The following SERINC5 variants were observed in gnomAD, a reference collection of about 807,000 sequenced individuals.
SERINC5 encodes chromosome 5 open reading frame 12.
In SERINC5, 41 loss-of-function variants were observed where a neutral mutation model predicts 63.1. That is an observed-to-expected ratio of 0.65 (90% confidence interval 0.51 to 0.84). The LOEUF is 0.84. SERINC5 is among the 40% of genes least tolerant of loss of function. SERINC5 has a pLI of 0.00. For missense variants in SERINC5, 523 were observed against 573.0 expected (o/e 0.91, Z 0.89); for synonymous variants, 222 against 215.2 (o/e 1.03, Z -0.28).
chr5:80,131,485 C>T (rs138094016), intron 11 of SERINC5, among the ~76,000 whole-genome samples: 1 of 152,112 alleles, frequency 6.6e-6, no homozygotes, highest in Non-Finnish European at 1.5e-5. Flanking sequence ...AAGGGAGAAG[C>T]ATTCCAGTAT....
At chr5:80,231,430 C>A (rs920416090) in intron 1 of SERINC5, among the ~76,000 whole-genome samples, 2 of 152,112 alleles carry the variant, frequency 1.3e-5, no homozygotes, top group African/African-American at 4.8e-5. Flanking sequence ...CCTGTAACAG[C>A]ATCTACTGCA....
Position 80,202,948 on chromosome 5 carries a change from G to C in SERINC5, c.133C>G (p.Leu45Val). The C allele has an allele frequency of 6.2e-7, 1 of 1,613,710 alleles. No homozygotes were observed. Among genetic ancestry groups the C allele is most frequent in the Non-Finnish European group, 8.5e-7 (1 of 1,179,706 alleles). Residue 45 changes from leucine to valine, a missense_variant, in exon 2 of 12, where the codon CTG becomes GTG. Transcript: ENST00000507668. ...ATGATGCAGCAGAGGACGACGACCA[G>C]AATGAAGTAGAGGGCGTACATGAAG... ...TRFMYALYFI[L>V]VVVLCCIMMS...
chr5:80,140,218 T>C lies in SERINC5; in HGVS notation c.*3445A>G. 1.3e-6 allele frequency: 1 copy of C among 778,380 alleles called. No individual in the cohort carries two copies. The highest frequency in any genetic ancestry group is 1.5e-6 in the Non-Finnish European group (1 of 653,146). The allele number at this position is 778,380 out of a possible 1,614,324, so 48.2% of individuals were successfully genotyped here. On this transcript the variant is annotated 3_prime_UTR_variant, in exon 12 of 12. Coordinates refer to ENST00000507668, the MANE Select transcript of SERINC5 (RefSeq NM_001174072.3). ...CCTGTGGTCTCAGCTACTTGGGAGG[T>C]GGTCCTTGAGCCCAGGAGGTCAAGC... is the stretch of plus-strand genomic sequence containing the variant.
At chr5:80,238,788 C>CAAAA (rs34850558) in intron 1 of SERINC5, among the ~76,000 whole-genome samples, 3 of 99,030 alleles carry the variant, frequency 3.0e-5, no homozygotes, top group Admixed American at 1.1e-4. Flanking sequence ...GACTTCATCT[C>CAAAA]AAAAAAAAAA....
chr5:80,184,132 G>C (rs1378577664), intron 2 of SERINC5, among the ~76,000 whole-genome samples: 1 of 151,818 alleles, frequency 6.6e-6, no homozygotes. Flanking sequence ...ATATTGCTTT[G>C]AATCTCTAAA....
intron 1 of SERINC5, among the ~76,000 whole-genome samples, chr5:80,229,130 T>A (rs1489389896): frequency 1.4e-5 from 2 of 145,566 alleles, no homozygotes; most frequent in East Asian, 4.2e-4. Context: ...TTCAAGCGAT[T>A]CTTGTGCCTC....
chr5:80,161,004 G>A lies in SERINC5; in HGVS notation c.860-2042C>T, dbSNP rs140354768. Among the ~76,000 whole-genome samples the A allele has an allele frequency of 2.4e-3, 355 of 147,670 alleles. 3 individuals carry two copies. The highest frequency in any genetic ancestry group is 7.4e-3 in the African/African-American group (293 of 39,754). The stretch of plus-strand genomic sequence containing the variant: ...TATGTGTGTATATGTATATATATAC[G>A]TGTATATATACGTGTATATATATAC... On this transcript the variant is annotated intron_variant, in intron 7 of 11. Coordinates refer to ENST00000507668, the MANE Select transcript of SERINC5 (RefSeq NM_001174072.3).
Position 80,168,769 on chromosome 5 carries a change from G to A in SERINC5, c.763+566C>T, listed in dbSNP as rs530187041. The stretch of plus-strand genomic sequence containing the variant: ...TCAGATCCCACTGTCTCTTCCTTCC[G>A]GCTTTGAAACAACAATGAGCAAGGT... On this transcript the variant is annotated intron_variant, in intron 6 of 11. Transcript: ENST00000507668. 4.6e-5 allele frequency among the ~76,000 whole-genome samples: 7 copies of A among 152,148 alleles called. No individual in the cohort carries two copies. In the South Asian group the frequency reaches 6.2e-4, roughly 14 times the overall value.
At chr5:80,164,745 G>A (rs1041732301) in intron 7 of SERINC5, among the ~76,000 whole-genome samples, 1 of 151,868 alleles carries the variant, frequency 6.6e-6, no homozygotes, top group African/African-American at 2.4e-5. Flanking sequence ...TGATTTTCTA[G>A]TTCCAGGTGC....
At chr5:80,205,479 A>G (rs1184270628) in intron 1 of SERINC5, among the ~76,000 whole-genome samples, 1 of 152,216 alleles carries the variant, frequency 6.6e-6, no homozygotes, top group Non-Finnish European at 1.5e-5. Context: ...AAATAATGAG[A>G]GTATGTAACT....
At chr5:80,193,262 C>T (rs1213670274) in intron 2 of SERINC5, among the ~76,000 whole-genome samples, 1 of 152,174 alleles carries the variant, frequency 6.6e-6, no homozygotes, top group Non-Finnish European at 1.5e-5. Flanking sequence ...TTCCTGTTCC[C>T]ATCGCTCTGA....
intron 11 of SERINC5, among the ~76,000 whole-genome samples, chr5:80,144,226 T>G (rs561975400): frequency 1.5e-4 from 22 of 150,212 alleles, no homozygotes; most frequent in Non-Finnish European, 2.9e-4. Context: ...ATTGTATGGA[T>G]AGAGCACATT....
rs70982028 is a variant in SERINC5 at position 80,181,416 on chromosome 5, TTGTGTGTGTGTGTG to T, written c.196-3366_196-3353del. Among the ~76,000 whole-genome samples the T allele has an allele frequency of 5.5e-5, 8 of 145,446 alleles. No homozygotes were observed. In the South Asian group the frequency reaches 1.1e-3, roughly 21 times the overall value. On this transcript the variant is annotated intron_variant, in intron 2 of 11. Coordinates refer to ENST00000507668, the MANE Select transcript of SERINC5 (RefSeq NM_001174072.3). ...CATGCACCACCAAGCTCAGCTAATT[TTGTGTGTGTGTGTG>T]TGTGTGTGTGTGTGTACAGTTGGTG... is the stretch of plus-strand genomic sequence containing the variant.
Position 80,184,266 on chromosome 5 carries a change from G to A in SERINC5, c.196-6202C>T, listed in dbSNP as rs1235671957. ...CCACCTTCTCTCTTCTACTCCATCA[G>A]CAACTCTAATTCCTGAACCACATCT... On this transcript the variant is annotated intron_variant, in intron 2 of 11. Coordinates refer to ENST00000507668, the MANE Select transcript of SERINC5 (RefSeq NM_001174072.3). Among the ~76,000 whole-genome samples, 4 of 152,078 alleles carry A rather than the reference G, an allele frequency of 2.6e-5. No individual in the cohort carries two copies. The East Asian group carries it at 7.7e-4, about 29-fold the overall frequency.
intron 2 of SERINC5, among the ~76,000 whole-genome samples, chr5:80,179,590 T>C (rs1748286824): frequency 6.6e-6 from 1 of 152,172 alleles, no homozygotes; most frequent in African/African-American, 2.4e-5. Flanking sequence ...AGAAATGGAA[T>C]TAGTAGGTCA....
At chr5:80,126,627 TA>T (rs1744759336) in intron 11 of SERINC5, among the ~76,000 whole-genome samples, 1 of 152,256 alleles carries the variant, frequency 6.6e-6, no homozygotes, top group African/African-American at 2.4e-5. Flanking sequence ...TGTATTTTTC[TA>T]AAACACTGTT....
At chr5:80,175,499 G>A (rs534391805) in intron 4 of SERINC5, among the ~76,000 whole-genome samples, 19 of 152,314 alleles carry the variant, frequency 1.2e-4, no homozygotes, top group African/African-American at 4.1e-4. Context: ...GACTCGGTTC[G>A]ACTTCTGGCT....
At position 80,139,751 on chromosome 5, in the gene SERINC5, C is replaced by T; in HGVS notation, c.*3912G>A. ...AATAGCCTTCAGTAAATTCCACAAG[C>T]CAAGTGGCTACTGCATTGTCCCTGA... On this transcript the variant is annotated 3_prime_UTR_variant, in exon 12 of 12. Coordinates refer to ENST00000507668, the MANE Select transcript of SERINC5 (RefSeq NM_001174072.3). 1 of 985,426 alleles carries T rather than the reference C, an allele frequency of 1.0e-6. No homozygotes were observed. Among genetic ancestry groups the T allele is most frequent in the Non-Finnish European group, 1.2e-6 (1 of 829,948 alleles). The allele number at this position is 985,426 out of a possible 1,614,324, so 61.0% of individuals were successfully genotyped here.
intron 2 of SERINC5, among the ~76,000 whole-genome samples, chr5:80,188,093 G>A (rs576388917): frequency 6.6e-6 from 1 of 151,968 alleles, no homozygotes; most frequent in Admixed American, 6.6e-5. Flanking sequence ...GACCAGCCTG[G>A]CCAAGATGGT....
Sources: allele counts gnomAD v4.1 joint callset (sites outside exome capture counted in the v4.1 genomes callset), GRCh38; gene constraint gnomAD v4.1.1; transcripts MANE v1.5; gene names NCBI Gene and HGNC (gene_info 2026-07-23, HGNC 2026-07-21).